Variants in KIAA0825 observed in about 807,000 individuals in gnomAD.
The protein encoded by KIAA0825 is KIAA0825.
A neutral mutation model predicts 147.6 loss-of-function variants in KIAA0825; 119 were observed. The ratio of observed to expected loss-of-function variants is 0.81; its 90% CI spans 0.69 to 0.94. The LOEUF is 0.94. Ranked by LOEUF, KIAA0825 falls within the 40% of genes least tolerant of loss-of-function variation. The pLI is 0.00. For missense variants in KIAA0825, 1,381 were observed against 1,472.7 expected (o/e 0.94, Z 1.02); for synonymous variants, 470 against 518.1 (o/e 0.91, Z 1.26).
In KIAA0825 at chr5:94,554,716, CTATATATATATATATATATATATA is replaced by C. The variant is rs70978114; in HGVS notation, c.-1-17613_-1-17590del. Among the ~76,000 whole-genome samples the C allele has an allele frequency of 3.5e-3, 237 of 67,100 alleles. 1 individual carries two copies. Among genetic ancestry groups the C allele is most frequent in the Admixed American group, 7.4e-3 (44 of 5,954 alleles). The allele number at this position is 67,100 out of a possible 152,430, so 44.0% of individuals were successfully genotyped here. A position where few individuals can be genotyped will look rare whatever the true frequency, so the allele number is the denominator to read the frequency against. On this transcript the variant is annotated intron_variant, in intron 2 of 20. Coordinates refer to ENST00000682413, the MANE Select transcript of KIAA0825 (RefSeq NM_001145678.3). Reference sequence around the variant, plus strand: ...TATGAGCCAGGCATTGTTCTGTGTACTATATATATATATATATATATATATATATATATATATATATATATGAAT... The same window carrying C: ...TATGAGCCAGGCATTGTTCTGTGTACTATATATATATATATATATATGAAT...
In KIAA0825 at chr5:94,458,045, G is replaced by A. The variant is rs1467999058; in HGVS notation, c.2246+4342C>T. On this transcript the variant is annotated intron_variant, in intron 12 of 20. Coordinates refer to ENST00000682413, the MANE Select transcript of KIAA0825 (RefSeq NM_001145678.3). ...TGAATGACTAAGATAGCCCTGAAAA[G>A]CTTGAGATAAGTGAGGACATGTGAA... 5.3e-5 allele frequency among the ~76,000 whole-genome samples: 8 copies of A among 152,288 alleles called. No homozygotes were observed. In the East Asian group the frequency reaches 1.5e-3, roughly 29 times the overall value.
intron 20 of KIAA0825, among the ~76,000 whole-genome samples, chr5:94,157,630 T>A (rs1255213829): frequency 6.6e-6 from 1 of 152,232 alleles, no homozygotes; most frequent in African/African-American, 2.4e-5. Flanking sequence ...TTATTAATAT[T>A]AGCACATATT....
intron 20 of KIAA0825, among the ~76,000 whole-genome samples, chr5:94,217,544 C>T (rs958476667): frequency 6.6e-6 from 1 of 152,146 alleles, no homozygotes; most frequent in Non-Finnish European, 1.5e-5. Flanking sequence ...TTTAGTTATA[C>T]ATACCCATAC....
chr5:94,384,591 A>C, intron 19 of KIAA0825, 133 bp from the exon 20 acceptor site: 1 of 610,272 alleles, frequency 1.6e-6, no homozygotes, highest in South Asian at 2.2e-5. Context: ...TAGACAGATA[A>C]CATCAATCAT....
Position 94,564,194 on chromosome 5 carries a change from T to G in KIAA0825, c.-2+18239A>C, listed in dbSNP as rs1778120634. On this transcript the variant is annotated intron_variant, in intron 2 of 20. Coordinates refer to ENST00000682413, the MANE Select transcript of KIAA0825 (RefSeq NM_001145678.3). ...ACAACTCAGGTTCCTTTACCAGCTC[T>G]TTTTCTTTCTATTCCCCTTGTTTTT... Among the ~76,000 whole-genome samples, 3 of 151,440 alleles carry G rather than the reference T, an allele frequency of 2.0e-5. No individual in the cohort carries two copies. The Admixed American group carries it at 2.0e-4, about 10-fold the overall frequency.
intron 2 of KIAA0825, among the ~76,000 whole-genome samples, chr5:94,581,385 G>T (rs1241640518): frequency 6.6e-6 from 1 of 152,150 alleles, no homozygotes; most frequent in Non-Finnish European, 1.5e-5. Flanking sequence ...TTCCACTTCT[G>T]TATGACCTAT....
chr5:94,559,055 A>T (rs981998606), intron 2 of KIAA0825, among the ~76,000 whole-genome samples: 2 of 152,166 alleles, frequency 1.3e-5, no homozygotes, highest in Non-Finnish European at 2.9e-5. Context: ...AACTTAATCA[A>T]ATACATTTGT....
intron 1 of KIAA0825, among the ~76,000 whole-genome samples, chr5:94,584,906 A>G (rs967422285): frequency 6.6e-6 from 1 of 152,182 alleles, no homozygotes; most frequent in Non-Finnish European, 1.5e-5. Context: ...AAAGAAAATA[A>G]TTTTCAACCC....
chr5:94,156,673 C>G (rs1377810159), intron 20 of KIAA0825, among the ~76,000 whole-genome samples: 2 of 151,958 alleles, frequency 1.3e-5, no homozygotes, highest in African/African-American at 4.8e-5. Flanking sequence ...TATAATTGAG[C>G]TGTTAGTAAT....
chr5:94,235,823 T>C (rs1775011339), intron 20 of KIAA0825, among the ~76,000 whole-genome samples: 1 of 152,254 alleles, frequency 6.6e-6, no homozygotes, highest in African/African-American at 2.4e-5. Flanking sequence ...CTAAATCTCC[T>C]GTGCTTGTGC....
rs888492610 is a variant in KIAA0825 at position 94,396,113 on chromosome 5, A to T, written c.3284T>A (p.Leu1095Gln). The change falls in exon 17 of 21, where the codon CTG (leucine) becomes CAG (glutamine). Residue 1095 changes from leucine to glutamine, a missense_variant. Transcript: ENST00000682413. ...AACATCACTTTACCATTCAGTGCTCAGTTTCCTTGCTTTCAACAATTGACG... is the reference window on the plus strand; with the variant it reads ...AACATCACTTTACCATTCAGTGCTCTGTTTCCTTGCTTTCAACAATTGACG... ...IERQLLKARK[L>Q]STECAFMTIE... The T allele has an allele frequency of 6.7e-7, 1 of 1,482,064 alleles. No individual in the cohort carries two copies. The highest frequency in any genetic ancestry group is 9.0e-7 in the Non-Finnish European group (1 of 1,116,726). The allele number at this position is 1,482,064 out of a possible 1,614,324, so 91.8% of individuals were successfully genotyped here.
At chr5:94,601,155 C>T (rs1289824095) in intron 1 of KIAA0825, among the ~76,000 whole-genome samples, 2 of 152,114 alleles carry the variant, frequency 1.3e-5, no homozygotes, top group South Asian at 2.1e-4. Context: ...CAATTACCTC[C>T]TGCATGTACA....
chr5:94,457,558 G>T (rs1759270115), intron 12 of KIAA0825, among the ~76,000 whole-genome samples: 1 of 152,060 alleles, frequency 6.6e-6, no homozygotes, highest in Admixed American at 6.6e-5. Context: ...AGCATCGTAG[G>T]GCCTCTGTGC....
intron 1 of KIAA0825, among the ~76,000 whole-genome samples, chr5:94,616,337 T>C (rs983436184): frequency 6.6e-6 from 1 of 152,176 alleles, no homozygotes; most frequent in African/African-American, 2.4e-5. Context: ...ATTAGGCTAT[T>C]TCTGTTTCTC....
intron 15 of KIAA0825, chr5:94,415,415 G>C (rs1300526673): frequency 6.6e-6 from 1 of 151,896 alleles, no homozygotes; most frequent in Non-Finnish European, 1.5e-5. Flanking sequence ...TTAAACAAAA[G>C]TCATAGTAAA....
At chr5:94,294,278 T>C (rs2150170912) in intron 20 of KIAA0825, among the ~76,000 whole-genome samples, 1 of 152,334 alleles carries the variant, frequency 6.6e-6, no homozygotes, top group South Asian at 2.1e-4. Context: ...GGTTTTTCCT[T>C]TCCATATTTA....
chr5:94,187,920 A>G (rs1210711994), intron 20 of KIAA0825, among the ~76,000 whole-genome samples: 1 of 152,192 alleles, frequency 6.6e-6, no homozygotes, highest in Admixed American at 6.5e-5. Context: ...TCCAAAATTC[A>G]TATGTTGAAA....
chr5:94,601,455 C>T (rs1444782228), intron 1 of KIAA0825, among the ~76,000 whole-genome samples: 1 of 152,140 alleles, frequency 6.6e-6, no homozygotes, highest in African/African-American at 2.4e-5. Flanking sequence ...AGAATCAGTA[C>T]AAGAATGCTG....
chr5:94,330,812 G>C (rs1340120701), intron 20 of KIAA0825, among the ~76,000 whole-genome samples: 1 of 152,078 alleles, frequency 6.6e-6, no homozygotes, highest in African/African-American at 2.4e-5. Context: ...TCAAAAGAGA[G>C]AGAGAAGACA....
Sources: allele counts gnomAD v4.1 joint callset (sites outside exome capture counted in the v4.1 genomes callset), GRCh38; gene constraint gnomAD v4.1.1; transcripts MANE v1.5; gene names NCBI Gene and HGNC (gene_info 2026-07-23, HGNC 2026-07-21).